FHIT: variants seen among roughly 807,000 people sequenced by gnomAD.
FHIT encodes the protein bis(5'-adenosyl)-triphosphatase.
A neutral mutation model predicts 17.9 loss-of-function variants in FHIT; 19 were observed. That is an observed-to-expected ratio of 1.06 (90% CI 0.74 to 1.56). The LOEUF (loss-of-function observed/expected upper bound fraction) is 1.56, where lower values mean the gene tolerates loss of function less well. Ranked by LOEUF, FHIT falls within the 40% of genes most tolerant of loss-of-function variation. The probability of loss-of-function intolerance (pLI) is 0.00; values close to 1 mark genes in which losing one functional copy is unlikely to be tolerated. For synonymous variants in FHIT, 81 were observed against 69.7 expected (o/e 1.16, Z -0.81); for missense variants, 248 against 189.2 (o/e 1.31, Z -1.82).
intron 2 of FHIT, among the ~76,000 whole-genome samples, chr3:61,129,414 A>C (rs1012475407): frequency 6.6e-6 from 1 of 152,216 alleles, no homozygotes; most frequent in Admixed American, 6.5e-5. Flanking sequence ...GACAGATTGC[A>C]CAGGGATGGA....
chr3:60,920,035 A>G (rs75671062), intron 3 of FHIT, among the ~76,000 whole-genome samples: 1 of 147,784 alleles, frequency 6.8e-6, no homozygotes, highest in East Asian at 2.0e-4. Flanking sequence ...CTCCGTCTCA[A>G]AAAAAAAAAA....
At chr3:60,525,388 ACT>A (rs368328459) in intron 5 of FHIT, among the ~76,000 whole-genome samples, 7 of 152,124 alleles carry the variant, frequency 4.6e-5, no homozygotes, top group African/African-American at 1.7e-4. Context: ...CAAGATTCTG[ACT>A]CTAAGAATTG....
intron 5 of FHIT, among the ~76,000 whole-genome samples, chr3:60,441,207 A>G (rs2030767293): frequency 6.6e-6 from 1 of 152,104 alleles, no homozygotes; most frequent in Admixed American, 6.6e-5. Flanking sequence ...ATTCACCAAT[A>G]TTCGATGAAT....
intron 5 of FHIT, among the ~76,000 whole-genome samples, chr3:60,206,171 A>AATT (rs72133262): frequency 6.9e-6 from 1 of 143,938 alleles, no homozygotes; most frequent in Non-Finnish European, 1.5e-5. Context: ...TAATAATAAT[A>AATT]ATTATAACAC....
intron 5 of FHIT, among the ~76,000 whole-genome samples, chr3:60,340,365 C>T (rs1018846271): frequency 1.3e-5 from 2 of 152,104 alleles, no homozygotes; most frequent in East Asian, 1.9e-4. Flanking sequence ...CTCCTACAAC[C>T]GAATTAGAAG....
intron 5 of FHIT, among the ~76,000 whole-genome samples, chr3:60,414,539 C>T (rs189366483): frequency 9.2e-5 from 14 of 152,310 alleles, no homozygotes; most frequent in Non-Finnish European, 1.9e-4. Flanking sequence ...ATTACTCCCT[C>T]TTCTAAGCTA....
At chr3:60,442,890 T>G (rs571036925) in intron 5 of FHIT, among the ~76,000 whole-genome samples, 36 of 152,314 alleles carry the variant, frequency 2.4e-4, no homozygotes, top group African/African-American at 7.9e-4. Flanking sequence ...TGATATTGAT[T>G]CTTCCTACCC....
At chr3:60,942,678 G>C (rs1368004963) in intron 3 of FHIT, among the ~76,000 whole-genome samples, 1 of 151,840 alleles carries the variant, frequency 6.6e-6, no homozygotes, top group Non-Finnish European at 1.5e-5. Flanking sequence ...CTTCTCTACT[G>C]TTTCTTTGTA....
intron 4 of FHIT, among the ~76,000 whole-genome samples, chr3:60,591,668 A>G (rs2038089743): frequency 6.6e-6 from 1 of 152,100 alleles, no homozygotes; most frequent in African/African-American, 2.4e-5. Flanking sequence ...ATGTTACACT[A>G]TGAAACAAGA....
intron 8 of FHIT, among the ~76,000 whole-genome samples, chr3:59,871,575 A>C (rs1422021074): frequency 1.3e-5 from 2 of 152,182 alleles, no homozygotes; most frequent in Admixed American, 1.3e-4. Context: ...GGCTAGCAGG[A>C]ATAACACCAA....
intron 4 of FHIT, among the ~76,000 whole-genome samples, chr3:60,667,631 T>C (rs1553692792): frequency 6.6e-6 from 1 of 152,222 alleles, no homozygotes; most frequent in African/African-American, 2.4e-5. Flanking sequence ...GATTGTCTTT[T>C]CTCATTCAAT....
chr3:61,088,936 T>G (rs775877226), intron 2 of FHIT, among the ~76,000 whole-genome samples: 1 of 152,142 alleles, frequency 6.6e-6, no homozygotes, highest in African/African-American at 2.4e-5. Context: ...TTGAGAGTCA[T>G]GGACATTGGG....
chr3:61,051,233 A>C (rs6791496), intron 2 of FHIT, among the ~76,000 whole-genome samples: 1 of 151,786 alleles, frequency 6.6e-6, no homozygotes, highest in East Asian at 1.9e-4. Context: ...CTTTGGCTCC[A>C]TAAGTACCAC....
intron 7 of FHIT, among the ~76,000 whole-genome samples, chr3:59,961,062 A>G (rs1272166717): frequency 6.6e-6 from 1 of 152,200 alleles, no homozygotes; most frequent in East Asian, 1.9e-4. Flanking sequence ...AGGGGACTGA[A>G]TCGTGAATTT....
intron 7 of FHIT, among the ~76,000 whole-genome samples, chr3:59,948,727 T>G (rs924920955): frequency 6.6e-6 from 1 of 152,076 alleles, no homozygotes; most frequent in Non-Finnish European, 1.5e-5. Flanking sequence ...GCTGGTGACG[T>G]TGAGTATCTT....
chr3:59,828,845 C>CTGTGTG (rs1246352377), intron 8 of FHIT, among the ~76,000 whole-genome samples: 34 of 150,182 alleles, frequency 2.3e-4, no homozygotes, highest in African/African-American at 5.5e-4. Flanking sequence ...ATGGTACTCT[C>CTGTGTG]TCTGTGTGTG....
chr3:60,778,993 C>A lies in FHIT; in HGVS notation c.-18+42926G>T, dbSNP rs1389432794. ...ACCTTAAGAGGAGAGGATCACCCAA[C>A]TCACAGGTATTTGAGGATGCAAACC... On this transcript the variant is annotated intron_variant, in intron 4 of 9. Transcript: ENST00000492590. Among the ~76,000 whole-genome samples, 32 of 152,196 alleles carry A rather than the reference C, an allele frequency of 2.1e-4. 1 individual carries two copies. Among genetic ancestry groups the A allele is most frequent in the Non-Finnish European group, 1.5e-5 (1 of 68,040 alleles).
chr3:60,710,583 T>A (rs2041499059), intron 4 of FHIT, among the ~76,000 whole-genome samples: 1 of 152,176 alleles, frequency 6.6e-6, no homozygotes, highest in African/African-American at 2.4e-5. Flanking sequence ...ACCACGCTTT[T>A]CCGATGGGCT....
intron 5 of FHIT, among the ~76,000 whole-genome samples, chr3:60,170,299 T>C (rs550892184): frequency 6.6e-6 from 1 of 152,136 alleles, no homozygotes; most frequent in South Asian, 2.1e-4. Context: ...CAGAAGGAAG[T>C]GGATGTGAAA....
Sources: gnomAD v4.1 joint callset for allele counts (sites outside exome capture counted in the v4.1 genomes callset) on GRCh38, gnomAD v4.1.1 for gene constraint, MANE v1.5 for transcripts, NCBI Gene and HGNC (gene_info 2026-07-23, HGNC 2026-07-21) for gene names.